Variants in EMC8 observed in about 807,000 individuals in gnomAD.
EMC8 encodes the protein ER membrane protein complex subunit 8.
EMC8 carries 11 observed loss-of-function variants against 24.3 expected under a neutral mutation model. The ratio of observed to expected loss-of-function variants is 0.45; its 90% CI spans 0.28 to 0.75. The LOEUF is 0.75. Ranked by LOEUF, EMC8 falls within the 30% of genes least tolerant of loss-of-function variation. The pLI, the probability that EMC8 is intolerant of heterozygous loss-of-function variation, is 0.12. For missense variants in EMC8, 277 were observed against 282.7 expected (o/e 0.98, Z 0.14); for synonymous variants, 145 against 117.7 (o/e 1.23, Z -1.50).
chr16:85,785,788 A>G (rs1567828634), intron 2 of EMC8, among the ~76,000 whole-genome samples: 1 of 152,178 alleles, frequency 6.6e-6, no homozygotes, highest in Admixed American at 6.5e-5. Flanking sequence ...GGCACCCTGA[A>G]GGCAGACCAC....
chr16:85,799,410 GCGGCCGCGGGCTGGCGGGGGAC>G lies in EMC8; in HGVS notation c.-137_-116del. On this transcript the variant is annotated 5_prime_UTR_variant, in exon 1 of 5. Coordinates refer to ENST00000253457, the MANE Select transcript of EMC8 (RefSeq NM_006067.5). This position sits in a 1 kb window ranked among gnomAD's most constrained non-coding sequence, Gnocchi z 4.2. ...GGACGAGGCGGCGGCGATTGATGGC[GCGGCCGCGGGCTGGCGGGGGAC>G]CCTTCAGGCCCGGCCCCGTTTGGGC... The G allele has an allele frequency of 5.1e-6, 3 of 583,942 alleles. No homozygotes were observed. In the South Asian group the frequency reaches 9.6e-5, roughly 19 times the overall value. 36.2% of individuals were successfully genotyped at this position (583,942 alleles called of 1,614,324 possible).
At chr16:85,795,919 C>A (rs927411314) in intron 1 of EMC8, among the ~76,000 whole-genome samples, 3 of 152,124 alleles carry the variant, frequency 2.0e-5, no homozygotes, top group Non-Finnish European at 4.4e-5. Context: ...TAGCTGGTGG[C>A]CGCTGCTTGG....
At chr16:85,786,007 G>C (rs1904737551) in intron 2 of EMC8, among the ~76,000 whole-genome samples, 1 of 152,152 alleles carries the variant, frequency 6.6e-6, no homozygotes, top group East Asian at 1.9e-4. Flanking sequence ...CTAAAGTTTA[G>C]GAAATTCATA....
chr16:85,789,778 G>C (rs947352238), intron 1 of EMC8, among the ~76,000 whole-genome samples: 25 of 150,696 alleles, frequency 1.7e-4, no homozygotes, highest in Non-Finnish European at 3.0e-4. Flanking sequence ...GGTGACAAGA[G>C]TGAAACTCCG....
chr16:85,780,927 TG>T, intron 3 of EMC8: 1 of 499,846 alleles, frequency 2.0e-6, no homozygotes, highest in Non-Finnish European at 3.6e-6. Flanking sequence ...TCTGATTCAG[TG>T]GGGTCTGGGG....
At chr16:85,782,025 A>C (rs947872090) in intron 2 of EMC8, 6 of 152,296 alleles carry the variant, frequency 3.9e-5, no homozygotes, top group Admixed American at 3.9e-4. Context: ...TCCAACCAGA[A>C]AGCCCTGGTG....
chr16:85,781,190 T>G, intron 3 of EMC8, 21 bp downstream of exon 3: 2 of 1,604,956 alleles, frequency 1.2e-6, no homozygotes, highest in Non-Finnish European at 1.7e-6. Context: ...GCCTCCCACA[T>G]GCTGCACAGA....
intron 1 of EMC8, among the ~76,000 whole-genome samples, chr16:85,795,416 C>A (rs1905206988): frequency 6.6e-6 from 1 of 152,342 alleles, no homozygotes; most frequent in South Asian, 2.1e-4. Context: ...CCGTTCCTGG[C>A]TCCTCACGGC....
At chr16:85,793,909 TA>T (rs1905129617) in intron 1 of EMC8, among the ~76,000 whole-genome samples, 1 of 152,202 alleles carries the variant, frequency 6.6e-6, no homozygotes, top group African/African-American at 2.4e-5. Flanking sequence ...CGTAAGTACT[TA>T]AAAAAACATA....
In EMC8 at chr16:85,799,297, C is replaced by T; in HGVS notation, c.-2G>A. On this transcript the variant is annotated 5_prime_UTR_variant, in exon 1 of 5. Coordinates refer to ENST00000253457, the MANE Select transcript of EMC8 (RefSeq NM_006067.5). This position sits in a 1 kb window ranked among gnomAD's most constrained non-coding sequence, Gnocchi z 4.2. ...GGTGGTCAGTTTCACCCCGGGCATG[C>T]TGACCCGGGAGGGCCCCGGAGGCCC... The T allele has an allele frequency of 1.3e-6, 2 of 1,595,432 alleles. No homozygotes were observed. The highest frequency in any genetic ancestry group is 8.5e-7 in the Non-Finnish European group (1 of 1,173,592).
chr16:85,788,165 G>C lies in EMC8; in HGVS notation c.308+809C>G, dbSNP rs367676974. Among the ~76,000 whole-genome samples the C allele has an allele frequency of 2.4e-4, 36 of 152,336 alleles. No homozygotes were observed. The East Asian group carries it at 2.9e-3, about 12-fold the overall frequency. On this transcript the variant is annotated intron_variant, in intron 2 of 4. Coordinates refer to ENST00000253457, the MANE Select transcript of EMC8 (RefSeq NM_006067.5). ...GTTCAGCCAAAGGAAAATGGAAGGGGGACATCATGTACTGACTGCTCTGGG... is the reference window on the plus strand; with the variant it reads ...GTTCAGCCAAAGGAAAATGGAAGGGCGACATCATGTACTGACTGCTCTGGG...
intron 1 of EMC8, among the ~76,000 whole-genome samples, chr16:85,794,689 G>A (rs751891614): frequency 1.3e-5 from 2 of 152,092 alleles, no homozygotes; most frequent in African/African-American, 2.4e-5. Context: ...ACTCCATCTC[G>A]GAAAAGTCAG....
intron 1 of EMC8, among the ~76,000 whole-genome samples, chr16:85,798,170 G>A (rs1453849278): frequency 7.4e-6 from 1 of 135,658 alleles, no homozygotes; most frequent in East Asian, 2.2e-4. Flanking sequence ...CACCCAGGCT[G>A]GAGTGCAGTG....
At chr16:85,791,639 C>G (rs1313344773) in intron 1 of EMC8, among the ~76,000 whole-genome samples, 1 of 152,200 alleles carries the variant, frequency 6.6e-6, no homozygotes, top group Non-Finnish European at 1.5e-5. Context: ...GGTCAGAAGT[C>G]TATAATGGGT....
rs1904400630 is a variant in EMC8 at position 85,779,748 on chromosome 16, G to T, written c.593C>A (p.Thr198Lys). The stretch of plus-strand genomic sequence containing the variant: ...GACAGCTTTATTGATCTCTGGGTTT[G>T]TCCAGTCATTCCGAATGTCATCCAG... ...NHLDDIRNDW[T>K]NPEINKAVLH... Residue 198 changes from threonine (T) to lysine (K), a missense_variant, in exon 5 of 5, where the codon ACA becomes AAA. Transcript: ENST00000253457. 2 of 1,614,124 alleles carry T rather than the reference G, an allele frequency of 1.2e-6. No homozygotes were observed. The highest frequency in any genetic ancestry group is 1.3e-5 in the African/African-American group (1 of 74,946).
At chr16:85,789,107 C>G in intron 1 of EMC8, 57 bp from the exon 2 acceptor site, 1 of 1,145,756 alleles carries the variant, frequency 8.7e-7, no homozygotes, top group South Asian at 1.2e-5. Flanking sequence ...AATATCAAGT[C>G]GTAAAAACCA....
At chr16:85,784,973 G>C (rs1270942441) in intron 2 of EMC8, 2 of 152,128 alleles carry the variant, frequency 1.3e-5, no homozygotes, top group Non-Finnish European at 2.9e-5. Flanking sequence ...TTTGAGATGG[G>C]GTCTTGCTCT....
In EMC8 at chr16:85,799,084, A is replaced by T. The variant is rs765012514; in HGVS notation, c.212T>A (p.Leu71Gln). ...FHGTLALAPMLEVALTLIDSW... is the reference protein window; with the variant it reads ...FHGTLALAPMQEVALTLIDSW... Reference sequence around the variant, plus strand: ...GCTTACCAGGGTGAGAGCCACCTCCAGCATGGGGGCGAGGGCCAGGGTGCC... The same window carrying T: ...GCTTACCAGGGTGAGAGCCACCTCCTGCATGGGGGCGAGGGCCAGGGTGCC... Residue 71 changes from leucine (L) to glutamine (Q), a missense_variant, in exon 1 of 5, where the codon CTG (leucine) becomes CAG (glutamine). Transcript: ENST00000253457. The surrounding 1 kb of genome is among the most constrained non-coding windows in gnomAD (Gnocchi z 4.2). The T allele has an allele frequency of 1.3e-6, 2 of 1,558,700 alleles. No individual in the cohort carries two copies. The highest frequency in any genetic ancestry group is 1.9e-5 in the Admixed American group (1 of 51,912).
intron 3 of EMC8, chr16:85,780,787 G>A (rs906889252): frequency 6.3e-6 from 3 of 472,702 alleles, no homozygotes; most frequent in Non-Finnish European, 1.2e-5. Context: ...TCACATACAA[G>A]GACCTTCCTT....
Sources: gnomAD v4.1 joint callset for allele counts (sites outside exome capture counted in the v4.1 genomes callset) on GRCh38, gnomAD v4.1.1 for gene constraint, Gnocchi (gnomAD v3.1) non-coding constraint, MANE v1.5 for transcripts, NCBI Gene and HGNC (gene_info 2026-07-23, HGNC 2026-07-21) for gene names.